LRRC7: variants seen among roughly 807,000 people sequenced by gnomAD.
LRRC7 encodes the protein leucine rich repeat containing 7.
LRRC7 carries 23 observed loss-of-function variants against 175.7 expected under a neutral mutation model. The observed-to-expected ratio is 0.13, with a 90% CI of 0.09 to 0.19. The LOEUF is 0.19. Among genes scored for constraint, LRRC7 ranks in the 10% least tolerant of loss-of-function variants. The pLI, the probability that LRRC7 is intolerant of heterozygous loss-of-function variation, is 1.00. For missense variants in LRRC7, 1,354 were observed against 1,904.7 expected, an observed-to-expected ratio of 0.71 and a Z score of 5.38; for synonymous variants, 685 against 680.9, an observed-to-expected ratio of 1.01 and a Z score of -0.09.
intron 1 of LRRC7, among the ~76,000 whole-genome samples, chr1:69,673,297 A>G (rs1044516920): frequency 2.6e-5 from 4 of 152,220 alleles, no homozygotes; most frequent in Non-Finnish European, 5.9e-5. Context: ...TGTCATGGAC[A>G]CTTTTTGCTT....
At chr1:69,685,793 G>A (rs1477760289) in intron 2 of LRRC7, among the ~76,000 whole-genome samples, 3 of 151,574 alleles carry the variant, frequency 2.0e-5, no homozygotes, top group Non-Finnish European at 2.9e-5. Flanking sequence ...AGGAGTATGG[G>A]ACAGAAAAAG....
intron 8 of LRRC7, among the ~76,000 whole-genome samples, chr1:69,939,011 A>C (rs188848527): frequency 1.4e-4 from 13 of 91,264 alleles, no homozygotes; most frequent in Admixed American, 1.4e-3. Context: ...ATATATATAT[A>C]TATCTATATA....
At chr1:69,816,302 C>T (rs1430159706) in intron 4 of LRRC7, among the ~76,000 whole-genome samples, 1 of 152,144 alleles carries the variant, frequency 6.6e-6, no homozygotes. Context: ...AATAAGGGCA[C>T]TTATCCTATT....
At chr1:69,817,444 A>G (rs1678730815) in intron 4 of LRRC7, among the ~76,000 whole-genome samples, 1 of 151,938 alleles carries the variant, frequency 6.6e-6, no homozygotes, top group Non-Finnish European at 1.5e-5. Flanking sequence ...ATTGATATAT[A>G]TGTGGCTTTT....
Position 69,694,927 on chromosome 1 carries a change from A to G in LRRC7, c.100+16449A>G, listed in dbSNP as rs150326145. ...CTTTATAAATTACTCAGCCTCGGGTATTCCTTTATAGCAACACAAATGGAC... is the reference window on the plus strand; with the variant it reads ...CTTTATAAATTACTCAGCCTCGGGTGTTCCTTTATAGCAACACAAATGGAC... On this transcript the variant is annotated intron_variant, in intron 2 of 26. Coordinates refer to ENST00000651989, the MANE Select transcript of LRRC7 (RefSeq NM_001370785.2). Among the ~76,000 whole-genome samples, 29 of 152,286 alleles carry G rather than the reference A, an allele frequency of 1.9e-4. No individual in the cohort carries two copies. In the East Asian group the frequency reaches 5.4e-3, roughly 28 times the overall value.
At chr1:70,014,859 A>G (rs1656829150) in intron 13 of LRRC7, among the ~76,000 whole-genome samples, 1 of 152,056 alleles carries the variant, frequency 6.6e-6, no homozygotes, top group Admixed American at 6.6e-5. Context: ...GGAAAAGGAA[A>G]GAAAATCAAG....
intron 9 of LRRC7, 125 bp downstream of exon 9, chr1:69,980,578 G>A: frequency 1.4e-6 from 1 of 708,260 alleles, no homozygotes; most frequent in Non-Finnish European, 2.3e-6. Context: ...CATTAGGAGT[G>A]TTCAGTCACC....
chr1:70,135,731 T>C lies in LRRC7; in HGVS notation c.*13844T>C, dbSNP rs1392819471. 6.6e-6 allele frequency among the ~76,000 whole-genome samples: 1 copy of C among 152,232 alleles called. No individual in the cohort carries two copies. Among genetic ancestry groups the C allele is most frequent in the African/African-American group, 2.4e-5 (1 of 41,456 alleles). On this transcript the variant is annotated 3_prime_UTR_variant, in exon 27 of 27. Coordinates refer to ENST00000651989, the MANE Select transcript of LRRC7 (RefSeq NM_001370785.2). ...GTCCCATTCTCTAAAAGTGATTTTT[T>C]CTCTAGGATATCATCATCCAAACTA...
At position 70,122,598 on chromosome 1, in the gene LRRC7, T is replaced by G. The variant is rs956334530; in HGVS notation, c.*711T>G. 2.0e-5 allele frequency: 3 copies of G among 152,060 alleles called. No homozygotes were observed. Among genetic ancestry groups the G allele is most frequent in the Non-Finnish European group, 4.4e-5 (3 of 67,910 alleles). The allele number at this position is 152,060 out of a possible 1,614,324, so 9.4% of individuals were successfully genotyped here. A position where few individuals can be genotyped will look rare whatever the true frequency, so the allele number is the denominator to read the frequency against. On this transcript the variant is annotated 3_prime_UTR_variant, in exon 27 of 27. Coordinates refer to ENST00000651989, the MANE Select transcript of LRRC7 (RefSeq NM_001370785.2). The stretch of plus-strand genomic sequence containing the variant: ...TTTATCTCTGGGACCCAAATAAAAA[T>G]AGGATGAACTAATTTGTTCAATGCC...
chr1:69,916,213 TTTA>T (rs1180466800), intron 7 of LRRC7, among the ~76,000 whole-genome samples: 1 of 68,170 alleles, frequency 1.5e-5, no homozygotes, highest in Non-Finnish European at 2.9e-5. Context: ...AAAATAAAAT[TTTA>T]TTATGTATAA....
chr1:69,965,289 A>G (rs1347188522), intron 8 of LRRC7, among the ~76,000 whole-genome samples: 2 of 152,166 alleles, frequency 1.3e-5, no homozygotes, highest in African/African-American at 2.4e-5. Context: ...GTCTTCCAAC[A>G]TTTCAGATCA....
At chr1:69,819,904 T>C (rs1679068670) in intron 4 of LRRC7, among the ~76,000 whole-genome samples, 2 of 152,140 alleles carry the variant, frequency 1.3e-5, no homozygotes, top group Non-Finnish European at 2.9e-5. Flanking sequence ...GAAATATTAT[T>C]TCTATCCTTC....
chr1:69,873,834 T>C (rs1319762990), intron 7 of LRRC7: 2 of 154,998 alleles, frequency 1.3e-5, no homozygotes, highest in Non-Finnish European at 2.9e-5. Context: ...AAAACATTAA[T>C]ACCCATATTT....
chr1:69,702,411 T>C (rs959697071), intron 2 of LRRC7, among the ~76,000 whole-genome samples: 14 of 152,194 alleles, frequency 9.2e-5, no homozygotes, highest in African/African-American at 3.1e-4. Context: ...TTAATAACAC[T>C]TTGGCTAGAC....
chr1:69,668,317 C>A (rs759742007), intron 1 of LRRC7, among the ~76,000 whole-genome samples: 2 of 152,010 alleles, frequency 1.3e-5, no homozygotes, highest in African/African-American at 4.8e-5. Flanking sequence ...CCCGACAGGC[C>A]GCAGTGTGTG....
chr1:69,726,520 G>A (rs1401872744), intron 2 of LRRC7, among the ~76,000 whole-genome samples: 1 of 152,138 alleles, frequency 6.6e-6, no homozygotes, highest in Non-Finnish European at 1.5e-5. Context: ...ATGGCTACCA[G>A]GAACAGTCAT....
chr1:69,641,028 GA>G (rs1557529337), intron 1 of LRRC7, among the ~76,000 whole-genome samples: 1 of 151,558 alleles, frequency 6.6e-6, no homozygotes, highest in Non-Finnish European at 1.5e-5. Context: ...GTGATACAAG[GA>G]AATTCTTTTA....
intron 26 of LRRC7, among the ~76,000 whole-genome samples, chr1:70,121,286 A>G (rs1407161562): frequency 6.6e-6 from 1 of 152,080 alleles, no homozygotes; most frequent in African/African-American, 2.4e-5. Context: ...CTCTAATGTA[A>G]AAGTGTATAA....
chr1:69,797,719 TCTC>T (rs1019280487), intron 4 of LRRC7, among the ~76,000 whole-genome samples: 76 of 152,148 alleles, frequency 5.0e-4, no homozygotes, highest in African/African-American at 1.7e-3. Flanking sequence ...CCAAACCCAT[TCTC>T]CACAAAATAG....
Sources: gnomAD v4.1 joint callset for allele counts (sites outside exome capture counted in the v4.1 genomes callset) on GRCh38, gnomAD v4.1.1 for gene constraint, MANE v1.5 for transcripts, NCBI Gene and HGNC (gene_info 2026-07-23, HGNC 2026-07-21) for gene names.